Variants in VPS13C observed in about 807,000 individuals in gnomAD.
VPS13C encodes the protein vacuolar protein sorting 13 homolog C.
A neutral mutation model predicts 456.8 loss-of-function variants in VPS13C; 358 were observed. That is an observed-to-expected ratio of 0.78 (90% CI 0.72 to 0.86). The LOEUF (loss-of-function observed/expected upper bound fraction) is 0.86. VPS13C is among the 40% of genes least tolerant of loss of function. VPS13C has a pLI of 0.00. For synonymous variants in VPS13C, 1,578 were observed against 1,486.7 expected (o/e 1.06, Z -1.41); for missense variants, 4,818 against 4,385.4 (o/e 1.10, Z -2.79).
chr15:62,002,635 G>C (rs1309522872), intron 15 of VPS13C, among the ~76,000 whole-genome samples: 1 of 152,096 alleles, frequency 6.6e-6, no homozygotes, highest in East Asian at 1.9e-4. Flanking sequence ...TTTTCTTCTA[G>C]GGTTTTTATG....
chr15:62,007,698 G>C (rs914885795), intron 14 of VPS13C, among the ~76,000 whole-genome samples: 5 of 152,186 alleles, frequency 3.3e-5, no homozygotes, highest in Non-Finnish European at 7.4e-5. Context: ...AAATCCAAAA[G>C]GCACAAAACG....
intron 47 of VPS13C, among the ~76,000 whole-genome samples, chr15:61,939,716 G>A (rs1012853934): frequency 9.3e-5 from 14 of 150,886 alleles, no homozygotes; most frequent in African/African-American, 3.2e-4. Flanking sequence ...CGCTGTGGCC[G>A]GAGCACGGTG....
chr15:61,970,678 T>C (rs1325953444), intron 27 of VPS13C, among the ~76,000 whole-genome samples: 1 of 151,964 alleles, frequency 6.6e-6, no homozygotes, highest in African/African-American at 2.4e-5. Flanking sequence ...GTGCCTGTAA[T>C]CTCAGCCTCT....
Position 61,962,756 on chromosome 15 carries a change from T to A in VPS13C, c.3428A>T (p.His1143Leu), listed in dbSNP as rs114239998. The change falls in exon 33 of 85, where the codon CAT becomes CTT. Residue 1143 changes from histidine (H) to leucine (L), a missense_variant. By Grantham distance (99) the His-to-Leu change is moderately conservative. Around this residue, in one of 3 missense-constraint regions of VPS13C, gnomAD observed 4,552 missense variants for 4,130.6 expected, o/e 1.10. Transcript: ENST00000644861. The stretch of plus-strand genomic sequence containing the variant: ...CTGTTTACAATCACCTACTTTCTTA[T>A]GAACTGTCTTTGGATCAACATCTGT... ...IVTDVDPKTV[H>L]KKAVSIMGNE... is the part of the protein sequence containing the mutation. 84 of 1,592,976 alleles carry A rather than the reference T, an allele frequency of 5.3e-5. 1 individual carries two copies. The East Asian group carries it at 1.9e-3, about 35-fold the overall frequency.
intron 14 of VPS13C, among the ~76,000 whole-genome samples, chr15:62,007,912 C>G (rs1335866330): frequency 2.0e-5 from 3 of 151,998 alleles, no homozygotes; most frequent in Non-Finnish European, 2.9e-5. Context: ...TGAGACCATC[C>G]TGGCCAACAT....
chr15:61,905,879 G>A (rs182205345), intron 66 of VPS13C, among the ~76,000 whole-genome samples: 497 of 152,010 alleles, frequency 3.3e-3, no homozygotes, highest in Middle Eastern at 0.014. Flanking sequence ...ACTTCATTTT[G>A]CTGTCTTTAT....
In VPS13C at chr15:61,920,405, C is replaced by T. The variant is rs1055621512; in HGVS notation, c.7213-74G>A. 6 of 1,497,014 alleles carry T rather than the reference C, an allele frequency of 4.0e-6. No individual in the cohort carries two copies. In the African/African-American group the frequency reaches 4.2e-5, roughly 11 times the overall value. The allele number at this position is 1,497,014 out of a possible 1,614,324, so 92.7% of individuals were successfully genotyped here. Reference sequence around the variant, plus strand: ...CTTCCCAAAACCTATACCATAATTACACATTTTTTGGAAACTAATTTTGAT... The same window carrying T: ...CTTCCCAAAACCTATACCATAATTATACATTTTTTGGAAACTAATTTTGAT... On this transcript the variant is annotated intron_variant, in intron 56 of 84. Coordinates refer to ENST00000644861, the MANE Select transcript of VPS13C (RefSeq NM_020821.3).
At position 61,856,407 on chromosome 15, in the gene VPS13C, C is replaced by T. The variant is rs146072191; in HGVS notation, c.10955G>A (p.Arg3652Gln). The T allele has an allele frequency of 4.1e-4, 661 of 1,609,440 alleles. No individual in the cohort carries two copies. The highest frequency in any genetic ancestry group is 5.3e-4 in the Non-Finnish European group (624 of 1,178,512). Reference sequence around the variant, plus strand: ...TTCAACTTCCTTTATACACAACACTCGCCTATTTTGCAAAAGAAAACAAAA... The same window carrying T: ...TTCAACTTCCTTTATACACAACACTTGCCTATTTTGCAAAAGAAAACAAAA... ...KKTILMVTNRRVLCIKEVEIL... is the reference protein window; with the variant it reads ...KKTILMVTNRQVLCIKEVEIL... Residue 3652 changes from arginine (R) to glutamine (Q), a missense_variant and splice_region_variant, in exon 83 of 85, where the codon CGA becomes CAA. Arg to Gln is a conservative substitution (Grantham distance 43, BLOSUM62 1). This residue lies in a region of VPS13C where 261 missense variants were observed against 234.1 expected (regional missense o/e 1.11). Transcript: ENST00000644861.
At chr15:61,972,840 C>G in intron 26 of VPS13C, 76 bp from the exon 27 acceptor site, 1 of 1,428,684 alleles carries the variant, frequency 7.0e-7, no homozygotes, top group Non-Finnish European at 9.4e-7. Context: ...ATCTAAATCT[C>G]TAAAAAGTGA....
chr15:61,979,054 C>T (rs1022135005), intron 22 of VPS13C, among the ~76,000 whole-genome samples: 1 of 152,126 alleles, frequency 6.6e-6, no homozygotes, highest in African/African-American at 2.4e-5. Flanking sequence ...GGAATTATTG[C>T]CACTTAGAGT....
At chr15:61,933,235 G>A (rs2044119834) in intron 49 of VPS13C, among the ~76,000 whole-genome samples, 1 of 152,154 alleles carries the variant, frequency 6.6e-6, no homozygotes, top group South Asian at 2.1e-4. Flanking sequence ...CAGAATGATG[G>A]TACCAAGTAA....
rs371972151 is a variant in VPS13C at position 62,001,433 on chromosome 15, G to A, written c.1291-807C>T. ...CATTGCTAGAAATAGTTCTATAACT[G>A]AAATCATAAGACATTAAGCAAATTA... On this transcript the variant is annotated intron_variant, in intron 15 of 84. Coordinates refer to ENST00000644861, the MANE Select transcript of VPS13C (RefSeq NM_020821.3). Among the ~76,000 whole-genome samples the A allele has an allele frequency of 3.9e-5, 6 of 152,226 alleles. No homozygotes were observed. In the East Asian group the frequency reaches 5.8e-4, roughly 15 times the overall value.
rs1206863927 is a variant in VPS13C, at chr15:61,934,316, G to A, written c.5771C>T (p.Thr1924Ile). Residue 1924 changes from threonine (T) to isoleucine (I), a missense_variant, in exon 49 of 85, where the codon ACA becomes ATA. Physicochemically the swap from Thr to Ile is moderately conservative, Grantham distance 89. This residue lies in a region of VPS13C where 4,552 missense variants were observed against 4,130.6 expected (regional missense o/e 1.10). Transcript: ENST00000644861. ...CTGGTTCATAGAGAGCTTTGAGTCT[G>A]TCCAATCTTCTTGTTCTAATGGTGA... ...PDHLKEQEDW[T>I]DSKLSMNQIV... 5.8e-6 allele frequency: 9 copies of A among 1,555,558 alleles called. No homozygotes were observed. Among genetic ancestry groups the A allele is most frequent in the Non-Finnish European group, 7.8e-6 (9 of 1,150,262 alleles).
intron 6 of VPS13C, among the ~76,000 whole-genome samples, chr15:62,026,558 G>T (rs2047647989): frequency 1.3e-5 from 2 of 151,992 alleles, no homozygotes; most frequent in Admixed American, 1.3e-4. Flanking sequence ...TTTTGTTGAA[G>T]TGTCTACCAA....
intron 8 of VPS13C, among the ~76,000 whole-genome samples, chr15:62,020,767 T>G (rs751033755): frequency 1.3e-5 from 2 of 151,964 alleles, no homozygotes; most frequent in South Asian, 2.1e-4. Flanking sequence ...GGAACTCTTT[T>G]CATACTAGAA....
In VPS13C at chr15:61,962,728, TA is replaced by T. The variant is rs764120551; in HGVS notation, c.3435+20del. The T allele has an allele frequency of 2.7e-6, 4 of 1,504,792 alleles. No individual in the cohort carries two copies. Among genetic ancestry groups the T allele is most frequent in the Middle Eastern group, 1.7e-4 (1 of 5,776 alleles). The allele number at this position is 1,504,792 out of a possible 1,614,324, so 93.2% of individuals were successfully genotyped here. A position where few individuals can be genotyped will look rare whatever the true frequency, so the allele number is the denominator to read the frequency against. On this transcript the variant is annotated intron_variant, in intron 33 of 84. Coordinates refer to ENST00000644861, the MANE Select transcript of VPS13C (RefSeq NM_020821.3). ...TATTCAGTCATTAAAGAATATTAACTATCTGTTTACAATCACCTACTTTCTT... is the reference window on the plus strand; with the variant it reads ...TATTCAGTCATTAAAGAATATTAACTTCTGTTTACAATCACCTACTTTCTT...
chr15:61,949,355 T>G, intron 42 of VPS13C, 88 bp downstream of exon 42: 3 of 1,463,652 alleles, frequency 2.0e-6, no homozygotes, highest in Non-Finnish European at 2.8e-6. Flanking sequence ...GTCAACATGC[T>G]AAATATTCAT....
In VPS13C at chr15:61,890,333, C is replaced by A. The variant is rs150364963; in HGVS notation, c.9173G>T (p.Arg3058Leu). 1.2e-6 allele frequency: 2 copies of A among 1,614,030 alleles called. No individual in the cohort carries two copies. The highest frequency in any genetic ancestry group is 1.7e-6 in the Non-Finnish European group (2 of 1,180,016). Residue 3058 changes from arginine (R) to leucine (L), a missense_variant, in exon 67 of 85, where the codon CGC becomes CTC. Transcript: ENST00000644861. ...QIHWVSFLDG[R>L]QRVLLFTDDV... ...ATCGGTGAAAAGCAAAACTCTCTGG[C>A]GCCCATCCAGAAATGATACCCAGTG... is the stretch of plus-strand genomic sequence containing the variant.
At chr15:62,049,532 A>G (rs2048547874) in intron 1 of VPS13C, among the ~76,000 whole-genome samples, 2 of 152,214 alleles carry the variant, frequency 1.3e-5, no homozygotes, top group Admixed American at 6.5e-5. Context: ...GAAGTCAGGT[A>G]GCGTGATGTC....
Sources: gnomAD v4.1 joint callset for allele counts (sites outside exome capture counted in the v4.1 genomes callset) on GRCh38, gnomAD v4.1.1 for gene constraint, gnomAD v4.1.1 regional missense constraint, MANE v1.5 for transcripts, NCBI Gene and HGNC (gene_info 2026-07-23, HGNC 2026-07-21) for gene names.